The following TMIGD1 variants were observed in gnomAD, a reference collection of about 807,000 sequenced individuals.
TMIGD1 encodes the protein transmembrane and immunoglobulin domain-containing protein 1.
A neutral mutation model predicts 27.5 loss-of-function variants in TMIGD1; 29 were observed. The observed-to-expected ratio is 1.05, with a 90% confidence interval of 0.78 to 1.44. The LOEUF (loss-of-function observed/expected upper bound fraction) is 1.44. Among genes scored for constraint, TMIGD1 ranks in the 40% most tolerant of loss-of-function variants. TMIGD1 has a pLI of 0.00. For synonymous variants in TMIGD1, 109 were observed against 110.3 expected (o/e 0.99, Z 0.07); for missense variants, 334 against 310.6 (o/e 1.08, Z -0.57).
chr17:30,325,180 T>G, intron 3 of TMIGD1, 86 bp from the exon 4 acceptor site: 1 of 1,412,274 alleles, frequency 7.1e-7, no homozygotes, highest in Non-Finnish European at 9.6e-7. Context: ...ATCTATCTCA[T>G]GTGGTCATTT....
Position 30,316,581 on chromosome 17 carries a change from G to A in TMIGD1, c.*106C>T, listed in dbSNP as rs986232363. On this transcript the variant is annotated 3_prime_UTR_variant, in exon 7 of 7. Coordinates refer to ENST00000328886, the MANE Select transcript of TMIGD1 (RefSeq NM_206832.3). ...CTGTTAAGTGATTAATGAAACAGGA[G>A]TGACAGGAGTGAATTTAATAATAGC... 10 of 1,133,232 alleles carry A rather than the reference G, an allele frequency of 8.8e-6. No homozygotes were observed. The highest frequency in any genetic ancestry group is 1.3e-5 in the Non-Finnish European group (10 of 766,506). 70.2% of individuals were successfully genotyped at this position (1,133,232 alleles called of 1,614,324 possible).
At chr17:30,321,492 T>A (rs911610238) in intron 4 of TMIGD1, among the ~76,000 whole-genome samples, 1 of 152,204 alleles carries the variant, frequency 6.6e-6, no homozygotes, top group Non-Finnish European at 1.5e-5. Context: ...GTTTATGGAT[T>A]GAGGTGCAGT....
In TMIGD1 at chr17:30,318,888, C is replaced by A. The variant is rs1197223806; in HGVS notation, c.666G>T (p.Glu222Asp). Residue 222 changes from glutamate (E) to aspartate (D), a missense_variant, in exon 5 of 7, where the codon GAG becomes GAT. By Grantham distance (45) the Glu-to-Asp change is conservative. Transcript: ENST00000328886. ...TCACAACACATGCAGCAATAATGGG[C>A]TCTATTGGTACACCCACAGTTTTAT... Reference protein sequence around the residue: ...VKDKTVGVPIEPIIAACVVIF... With the variant: ...VKDKTVGVPIDPIIAACVVIF... The A allele has an allele frequency of 1.9e-6, 3 of 1,613,674 alleles. No homozygotes were observed. In the South Asian group the frequency reaches 3.3e-5, roughly 18 times the overall value.
rs1254727312 is a variant in TMIGD1, at chr17:30,324,654, C to T, written c.640+162G>A. 2.6e-5 allele frequency among the ~76,000 whole-genome samples: 4 copies of T among 152,204 alleles called. No individual in the cohort carries two copies. In the East Asian group the frequency reaches 7.7e-4, roughly 29 times the overall value. ...GGCATGATTTCCCTGAAAGGATGGA[C>T]TAGGATTCTTAGTGGAAAAATCCTT... On this transcript the variant is annotated intron_variant, in intron 4 of 6. Transcript: ENST00000328886.
In TMIGD1 at chr17:30,329,470, A is replaced by T. The variant is rs1462728142; in HGVS notation, c.142T>A (p.Ser48Thr). The T allele has an allele frequency of 1.9e-6, 3 of 1,614,148 alleles. No individual in the cohort carries two copies. Among genetic ancestry groups the T allele is most frequent in the Non-Finnish European group, 1.7e-6 (2 of 1,180,002 alleles). Residue 48 changes from serine to threonine, a missense_variant, in exon 3 of 7, where the codon TCC becomes ACC. Physicochemically the swap from Ser to Thr is moderately conservative, Grantham distance 58. Transcript: ENST00000328886. Reference sequence around the variant, plus strand: ...ACAGCACATATCAGAGATGCTTGGGAGCCAGGTGTAGTATCCAGGATATAG... The same window carrying T: ...ACAGCACATATCAGAGATGCTTGGGTGCCAGGTGTAGTATCCAGGATATAG... ...ENYILDTTPGSQASLICAVQN... is the reference protein window; with the variant it reads ...ENYILDTTPGTQASLICAVQN...
chr17:30,325,505 A>G (rs757022969), intron 3 of TMIGD1, among the ~76,000 whole-genome samples: 11 of 152,164 alleles, frequency 7.2e-5, no homozygotes, highest in Non-Finnish European at 1.5e-4. Context: ...AATTCCATCT[A>G]CACCGTTTAC....
intron 2 of TMIGD1, among the ~76,000 whole-genome samples, chr17:30,330,767 C>T (rs568470736): frequency 3.3e-5 from 5 of 152,152 alleles, no homozygotes; most frequent in African/African-American, 1.2e-4. Context: ...AGTAATACAC[C>T]TGAATTTCGG....
At chr17:30,317,409 C>G (rs940087650) in intron 5 of TMIGD1, among the ~76,000 whole-genome samples, 176 bp from the exon 6 acceptor site, 23 of 152,156 alleles carry the variant, frequency 1.5e-4, no homozygotes, top group African/African-American at 5.5e-4. Flanking sequence ...GAAGATGTAA[C>G]TCTTAGTTAA....
intron 3 of TMIGD1, among the ~76,000 whole-genome samples, chr17:30,325,509 C>T (rs1162401197): frequency 2.6e-5 from 4 of 152,054 alleles, no homozygotes; most frequent in Non-Finnish European, 5.9e-5. Flanking sequence ...CCATCTACAC[C>T]GTTTACTGTG....
chr17:30,323,681 T>C (rs1309261252), intron 4 of TMIGD1, among the ~76,000 whole-genome samples: 1 of 152,230 alleles, frequency 6.6e-6, no homozygotes, highest in Non-Finnish European at 1.5e-5. Context: ...TTCCCTGGCC[T>C]GCAAGTGTGG....
intron 3 of TMIGD1, among the ~76,000 whole-genome samples, chr17:30,327,014 C>T (rs1047487710): frequency 7.9e-5 from 12 of 151,524 alleles, no homozygotes; most frequent in Admixed American, 4.0e-4. Context: ...TGTGTCAGTA[C>T]TGTCATTATG....
intron 6 of TMIGD1, 84 bp downstream of exon 6, chr17:30,317,109 C>T: frequency 6.8e-7 from 1 of 1,462,912 alleles, no homozygotes; most frequent in Non-Finnish European, 9.6e-7. Flanking sequence ...CACCTCCCAT[C>T]TCTGGAGTTT....
intron 5 of TMIGD1, among the ~76,000 whole-genome samples, chr17:30,317,759 CA>C (rs35218105): frequency 7.2e-4 from 101 of 140,246 alleles, no homozygotes; most frequent in Admixed American, 7.1e-4. Context: ...GAATCCATCT[CA>C]AAAAAAAAAA....
At chr17:30,317,328 C>A (rs2143126106) in intron 5 of TMIGD1, 95 bp from the exon 6 acceptor site, 15 of 1,304,362 alleles carry the variant, frequency 1.1e-5, no homozygotes, top group Non-Finnish European at 1.5e-5. Flanking sequence ...AGGTGTGTGT[C>A]CTGTGCACAC....
intron 3 of TMIGD1, among the ~76,000 whole-genome samples, chr17:30,327,091 G>T (rs1254778405): frequency 1.3e-5 from 2 of 151,330 alleles, no homozygotes; most frequent in Admixed American, 1.3e-4. Context: ...TAGCAACAAT[G>T]ATATTTAGGA....
chr17:30,331,492 T>C (rs1909975905), intron 2 of TMIGD1, among the ~76,000 whole-genome samples: 1 of 152,118 alleles, frequency 6.6e-6, no homozygotes, highest in South Asian at 2.1e-4. Flanking sequence ...CATTAAAATG[T>C]AGGAGGATTC....
intron 1 of TMIGD1, 81 bp from the exon 2 acceptor site, chr17:30,332,239 T>C: frequency 1.4e-6 from 1 of 733,348 alleles, no homozygotes; most frequent in Non-Finnish European, 2.3e-6. Flanking sequence ...ATTATGCATT[T>C]AAAGTGAAGT....
chr17:30,320,198 G>A lies in TMIGD1; in HGVS notation c.641-1285C>T, dbSNP rs111462185. Among the ~76,000 whole-genome samples, 333 of 151,818 alleles carry A rather than the reference G, an allele frequency of 2.2e-3. 1 individual carries two copies. The highest frequency in any genetic ancestry group is 7.8e-3 in the African/African-American group (324 of 41,428). On this transcript the variant is annotated intron_variant, in intron 4 of 6. Coordinates refer to ENST00000328886, the MANE Select transcript of TMIGD1 (RefSeq NM_206832.3). ...AATTACAGGCACGTGCTACCATACC[G>A]AGATAATTTTTGTATTTTTAGTAGA... is the stretch of plus-strand genomic sequence containing the variant.
intron 2 of TMIGD1, among the ~76,000 whole-genome samples, chr17:30,330,208 T>G (rs909833459): frequency 2.3e-5 from 3 of 129,070 alleles, no homozygotes; most frequent in Non-Finnish European, 3.2e-5. Context: ...TTGAGAAGCA[T>G]CAGGTTAGAA....
Sources: allele counts gnomAD v4.1 joint callset (sites outside exome capture counted in the v4.1 genomes callset), GRCh38; gene constraint gnomAD v4.1.1; transcripts MANE v1.5; gene names NCBI Gene and HGNC (gene_info 2026-07-23, HGNC 2026-07-21).